Variants in ENPP3 observed in about 807,000 individuals in gnomAD.
The protein encoded by ENPP3 is ectonucleotide pyrophosphatase/phosphodiesterase family member 3.
A neutral mutation model predicts 117.8 loss-of-function variants in ENPP3; 104 were observed. The ratio of observed to expected loss-of-function variants is 0.88; its 90% CI spans 0.75 to 1.04. The LOEUF (loss-of-function observed/expected upper bound fraction) is 1.04. ENPP3 is among the 50% of genes least tolerant of loss of function. The probability of loss-of-function intolerance (pLI) is 0.00; values close to 1 mark genes in which losing one functional copy is unlikely to be tolerated. For missense variants in ENPP3, 1,026 were observed against 1,051.9 expected, an observed-to-expected ratio of 0.98 and a Z score of 0.34; for synonymous variants, 380 against 349.9, an observed-to-expected ratio of 1.09 and a Z score of -0.96.
chr6:131,702,744 A>AT (rs1393416930), intron 15 of ENPP3, among the ~76,000 whole-genome samples: 7 of 127,360 alleles, frequency 5.5e-5, no homozygotes, highest in African/African-American at 9.2e-5. Context: ...TTTTATTCTC[A>AT]TTTTTTATGT....
At chr6:131,669,652 T>A (rs1318549994) in intron 6 of ENPP3, among the ~76,000 whole-genome samples, 31 of 69,518 alleles carry the variant, frequency 4.5e-4, no homozygotes, top group African/African-American at 1.8e-3. Context: ...CGAGACTCCA[T>A]CTCAAAAAAA....
chr6:131,734,458 G>A (rs916533073), intron 21 of ENPP3, among the ~76,000 whole-genome samples: 1 of 152,150 alleles, frequency 6.6e-6, no homozygotes, highest in African/African-American at 2.4e-5. Context: ...ATTCCGAAAT[G>A]TATAATGGGC....
At chr6:131,650,784 T>C (rs1357886255) in intron 3 of ENPP3, among the ~76,000 whole-genome samples, 1 of 152,192 alleles carries the variant, frequency 6.6e-6, no homozygotes, top group Non-Finnish European at 1.5e-5. Context: ...TCTGCCTTCA[T>C]CTTCACATAA....
chr6:131,654,256 C>T (rs573675238), intron 5 of ENPP3, among the ~76,000 whole-genome samples: 102 of 152,066 alleles, frequency 6.7e-4, no homozygotes, highest in Non-Finnish European at 1.2e-3. Context: ...ATCTCGGCCT[C>T]GTAAGTATTT....
At chr6:131,725,319 T>A (rs1306058607) in intron 19 of ENPP3, among the ~76,000 whole-genome samples, 1 of 152,116 alleles carries the variant, frequency 6.6e-6, no homozygotes, top group Admixed American at 6.6e-5. Flanking sequence ...GAAATTTACT[T>A]CTCATAGTTC....
intron 20 of ENPP3, among the ~76,000 whole-genome samples, chr6:131,733,339 C>G (rs1414096362): frequency 6.6e-6 from 1 of 152,122 alleles, no homozygotes; most frequent in Non-Finnish European, 1.5e-5. Context: ...GCTCTCAATT[C>G]AGGTTTCACT....
rs201059244 is a variant in ENPP3 at position 131,745,620 on chromosome 6, AT to A, written c.2458-1165del. Among the ~76,000 whole-genome samples the A allele has an allele frequency of 6.0e-3, 911 of 152,290 alleles. 12 individuals are homozygous for A. Among genetic ancestry groups the A allele is most frequent in the African/African-American group, 0.021 (869 of 41,556 alleles). On this transcript the variant is annotated intron_variant, in intron 24 of 24. Coordinates refer to ENST00000357639, the MANE Select transcript of ENPP3 (RefSeq NM_005021.5). ...TTTCATATTGTAAAAAAAATCCAAA[AT>A]AAAAAGGTCAAGAAATAACTGAAAA...
intron 15 of ENPP3, among the ~76,000 whole-genome samples, chr6:131,717,046 G>A (rs1164098571): frequency 6.6e-6 from 1 of 151,916 alleles, no homozygotes; most frequent in Non-Finnish European, 1.5e-5. Context: ...CTAAGATAAG[G>A]AAATGAAGTG....
At chr6:131,646,130 A>AT (rs1167595143) in intron 2 of ENPP3, among the ~76,000 whole-genome samples, 1 of 152,088 alleles carries the variant, frequency 6.6e-6, no homozygotes, top group African/African-American at 2.4e-5. Context: ...TCTGCTTACC[A>AT]TATCTCTACT....
chr6:131,656,522 C>A (rs1254169351), intron 5 of ENPP3, among the ~76,000 whole-genome samples: 1 of 152,100 alleles, frequency 6.6e-6, no homozygotes, highest in African/African-American at 2.4e-5. Flanking sequence ...AATCCCAGCA[C>A]TTTGGGAGGC....
Position 131,658,330 on chromosome 6 carries a change from C to T in ENPP3, c.472C>T (p.Leu158=), listed in dbSNP as rs778286881. Residue 158 remains leucine, a synonymous_variant, in exon 6 of 25, where the codon CTG becomes TTG. Transcript: ENST00000357639. The part of the protein sequence containing the change: ...QQSQCPEGFD[L]PPVILFSMDG... Reference sequence around the variant, plus strand: ...TTTGTTTTCCATTTTCAGGTTTGACCTGCCACCAGTTATCTTGTTTTCTAT... The same window carrying T: ...TTTGTTTTCCATTTTCAGGTTTGACTTGCCACCAGTTATCTTGTTTTCTAT... 2.7e-5 allele frequency: 44 copies of T among 1,601,846 alleles called. No individual in the cohort carries two copies. The South Asian group carries it at 4.3e-4, about 16-fold the overall frequency.
At chr6:131,719,062 T>G (rs1401206370) in intron 16 of ENPP3, among the ~76,000 whole-genome samples, 1 of 151,954 alleles carries the variant, frequency 6.6e-6, no homozygotes, top group Admixed American at 6.6e-5. Context: ...TGTCAGAAGG[T>G]AAATGCTGTG....
At chr6:131,644,344 G>T (rs1240501452) in intron 2 of ENPP3, among the ~76,000 whole-genome samples, 11 of 152,180 alleles carry the variant, frequency 7.2e-5, no homozygotes, top group Non-Finnish European at 1.6e-4. Flanking sequence ...ATAGATAGTA[G>T]AGTGAGAGCA....
At chr6:131,709,757 C>G in intron 15 of ENPP3, 1 of 1,613,990 alleles carries the variant, frequency 6.2e-7, no homozygotes, top group Non-Finnish European at 8.5e-7. Context: ...CTGATCTTTT[C>G]TTCCACTCTA....
intron 2 of ENPP3, among the ~76,000 whole-genome samples, chr6:131,644,590 G>C (rs1169522151): frequency 1.3e-5 from 2 of 152,216 alleles, no homozygotes; most frequent in Non-Finnish European, 2.9e-5. Context: ...AGTTGGGGCA[G>C]ATTGTAGAAG....
At chr6:131,671,581 A>C (rs908953851) in intron 7 of ENPP3, among the ~76,000 whole-genome samples, 1 of 152,164 alleles carries the variant, frequency 6.6e-6, no homozygotes, top group East Asian at 1.9e-4. Context: ...AGACCCTTTG[A>C]TGTGAGAAAT....
At position 131,683,077 on chromosome 6, in the gene ENPP3, A is replaced by AT. The variant is rs1191646226; in HGVS notation, c.1035_1036insT (p.Asp346Ter). On this transcript the variant is annotated frameshift_variant, in exon 12 of 25. Coordinates refer to ENST00000357639, the MANE Select transcript of ENPP3 (RefSeq NM_005021.5). LOFTEE classifies it high-confidence loss of function. ...AGGTAATTAAAGCCTTACAGGTAGT[A>AT]GATCATGCTTTTGGGATGTTGATGG... 6.2e-7 allele frequency: 1 copy of AT among 1,608,812 alleles called. No homozygotes were observed.
intron 21 of ENPP3, among the ~76,000 whole-genome samples, 157 bp downstream of exon 21, chr6:131,733,880 A>C (rs1780340272): frequency 6.6e-6 from 1 of 152,202 alleles, no homozygotes; most frequent in Non-Finnish European, 1.5e-5. Context: ...AGAGCAGCAC[A>C]GCGGCTGTAA....
rs575183793 is a variant in ENPP3, at chr6:131,722,817, C to T, written c.1746+412C>T. 4.7e-4 allele frequency among the ~76,000 whole-genome samples: 71 copies of T among 152,062 alleles called. 1 individual carries two copies. In the South Asian group the frequency reaches 0.014, roughly 31 times the overall value. ...GATTGCAGCCTGCTGTTTGACATAC[C>T]CACTAGGGTAGGTGCTGCGGGGTGT... On this transcript the variant is annotated intron_variant, in intron 18 of 24. Coordinates refer to ENST00000357639, the MANE Select transcript of ENPP3 (RefSeq NM_005021.5).
Sources: allele counts gnomAD v4.1 joint callset (sites outside exome capture counted in the v4.1 genomes callset), GRCh38; gene constraint gnomAD v4.1.1; transcripts MANE v1.5; gene names NCBI Gene and HGNC (gene_info 2026-07-23, HGNC 2026-07-21).